Variants in FCRL1 observed in about 807,000 individuals in gnomAD.
FCRL1 encodes the protein Fc receptor-like protein 1.
Under a neutral mutation model 49.2 loss-of-function variants are expected in FCRL1, and 34 were observed. That is an observed-to-expected ratio of 0.69 (90% CI 0.53 to 0.92). The LOEUF is 0.92. Among genes scored for constraint, FCRL1 ranks in the 40% least tolerant of loss-of-function variants. The probability of loss-of-function intolerance (pLI) is 0.00; values close to 1 mark genes in which losing one functional copy is unlikely to be tolerated. For missense variants in FCRL1, 524 were observed against 524.1 expected, an observed-to-expected ratio of 1.00 and a Z score of 0.00; for synonymous variants, 218 against 201.6, an observed-to-expected ratio of 1.08 and a Z score of -0.69.
At chr1:157,800,422 G>A (rs1172464300) in intron 6 of FCRL1, among the ~76,000 whole-genome samples, 1 of 152,180 alleles carries the variant, frequency 6.6e-6, no homozygotes, top group East Asian at 1.9e-4. Context: ...AGTCCTTGGA[G>A]GCAGATGCTG....
In FCRL1 at chr1:157,801,927, G is replaced by C; in HGVS notation, c.874C>G (p.Leu292Val). 6.2e-7 allele frequency: 1 copy of C among 1,613,308 alleles called. No individual in the cohort carries two copies. Among genetic ancestry groups the C allele is most frequent in the Non-Finnish European group, 8.5e-7 (1 of 1,179,580 alleles). ...GCCTGAGCTATACCTGTGAAGTTGA[G>C]TGTCACCGCCTCACTGCGCTGGGCC... The part of the protein sequence containing the change: ...LGAQRSEAVT[L>V]NFTVPTGARS... Residue 292 changes from leucine (L) to valine (V), a missense_variant, in exon 5 of 11, where the codon CTC (leucine) becomes GTC (valine). Physicochemically the swap from Leu to Val is conservative, Grantham distance 32 (BLOSUM62 1). Coordinates refer to ENST00000368176, the MANE Select transcript of FCRL1 (RefSeq NM_052938.5).
At chr1:157,808,398 AG>A (rs1248912720) in intron 1 of FCRL1, among the ~76,000 whole-genome samples, 1 of 152,266 alleles carries the variant, frequency 6.6e-6, no homozygotes, top group African/African-American at 2.4e-5. Context: ...AAATGAAATC[AG>A]GAAACAAGCC....
intron 2 of FCRL1, among the ~76,000 whole-genome samples, chr1:157,805,002 G>A (rs1433394452): frequency 6.6e-6 from 1 of 152,004 alleles, no homozygotes; most frequent in Non-Finnish European, 1.5e-5. Flanking sequence ...TGGGACTACA[G>A]GCACATGCCA....
At chr1:157,805,144 C>A (rs1461596468) in intron 2 of FCRL1, among the ~76,000 whole-genome samples, 1 of 152,054 alleles carries the variant, frequency 6.6e-6, no homozygotes, top group Non-Finnish European at 1.5e-5. Flanking sequence ...CAGGTGTGAG[C>A]CACCACTCCC....
intron 1 of FCRL1, among the ~76,000 whole-genome samples, chr1:157,815,424 C>A (rs1217973780): frequency 6.6e-6 from 1 of 151,762 alleles, no homozygotes; most frequent in Non-Finnish European, 1.5e-5. Context: ...GGAACCACAA[C>A]ATACAAAAAT....
rs374173172 is a variant in FCRL1 at position 157,802,361 on chromosome 1, G to A, written c.607+16C>T. On this transcript the variant is annotated intron_variant, in intron 4 of 10. Transcript: ENST00000368176. ...GTTTGTGACTGGCTGGCTGAACGAAGGGTAGTGGAACTTACTTCTGACAGT... is the reference window on the plus strand; with the variant it reads ...GTTTGTGACTGGCTGGCTGAACGAAAGGTAGTGGAACTTACTTCTGACAGT... The A allele has an allele frequency of 1.2e-6, 2 of 1,611,286 alleles. No homozygotes were observed. Among genetic ancestry groups the A allele is most frequent in the Non-Finnish European group, 1.7e-6 (2 of 1,178,060 alleles).
rs1386847737 is a variant in FCRL1, at chr1:157,802,461, C to T, written c.523G>A (p.Glu175Lys). The T allele has an allele frequency of 4.3e-6, 7 of 1,614,094 alleles. No homozygotes were observed. The highest frequency in any genetic ancestry group is 1.3e-5 in the African/African-American group (1 of 74,932). ...CAGTAATATTGCTCAGCATCACTCT[C>T]CCTCACTGAAGGAATCTCATACTCT... ...TAEYEIPSVR[E>K]SDAEQYYCVA... is the part of the protein sequence containing the mutation. The change falls in exon 4 of 11, where the codon GAG (glutamate) becomes AAG (lysine). Residue 175 changes from glutamate (E) to lysine (K), a missense_variant. Physicochemically the swap from Glu to Lys is moderately conservative, Grantham distance 56. Transcript: ENST00000368176.
Position 157,800,042 on chromosome 1 carries a change from T to G in FCRL1, c.1031+16A>C, listed in dbSNP as rs1161226384. ...TTTTCTGCATTATTGACACCTATAG[T>G]GAAAACAGGCCTCACCTGAGTGGAT... On this transcript the variant is annotated intron_variant, in intron 7 of 10. Transcript: ENST00000368176. The G allele has an allele frequency of 1.9e-6, 3 of 1,610,872 alleles. No individual in the cohort carries two copies. In the Admixed American group the frequency reaches 5.0e-5, roughly 27 times the overall value.
chr1:157,808,962 G>A (rs963925294), intron 1 of FCRL1, among the ~76,000 whole-genome samples: 2 of 152,232 alleles, frequency 1.3e-5, no homozygotes, highest in Non-Finnish European at 2.9e-5. Context: ...AGTTGTGGGG[G>A]AAAATAGGTT....
At chr1:157,809,392 T>A (rs4971155) in intron 1 of FCRL1, among the ~76,000 whole-genome samples, 62,248 of 151,578 alleles carry the variant, frequency 0.41, 15,137 homozygotes, top group East Asian at 0.54. Flanking sequence ...TTAATTAATT[T>A]AAAAAAAAAC....
intron 2 of FCRL1, among the ~76,000 whole-genome samples, chr1:157,804,441 T>G (rs1484938746): frequency 1.3e-5 from 2 of 152,226 alleles, no homozygotes; most frequent in African/African-American, 4.8e-5. Context: ...TACTGAAGAC[T>G]GTTACTGGAG....
chr1:157,804,476 G>T (rs557292052), intron 2 of FCRL1, among the ~76,000 whole-genome samples: 38 of 152,282 alleles, frequency 2.5e-4, no homozygotes, highest in South Asian at 1.2e-3. Flanking sequence ...GATGAAGCTT[G>T]AAGTTTTATT....
chr1:157,796,339 A>G (rs1651472258), intron 10 of FCRL1, among the ~76,000 whole-genome samples, 169 bp from the exon 11 acceptor site: 1 of 152,210 alleles, frequency 6.6e-6, no homozygotes, highest in South Asian at 2.1e-4. Flanking sequence ...GAGTGCCTGT[A>G]TCCCACTGGT....
At chr1:157,804,530 ATCT>A (rs1248731579) in intron 2 of FCRL1, among the ~76,000 whole-genome samples, 1 of 152,174 alleles carries the variant, frequency 6.6e-6, no homozygotes, top group African/African-American at 2.4e-5. Flanking sequence ...TATGTTCATT[ATCT>A]TCTTCTGTTC....
At chr1:157,796,896 T>C (rs778996220) in intron 10 of FCRL1, among the ~76,000 whole-genome samples, 26 of 152,196 alleles carry the variant, frequency 1.7e-4, no homozygotes, top group Non-Finnish European at 3.4e-4. Flanking sequence ...CTAAAGTAAA[T>C]GTATTTGTAA....
chr1:157,799,394 T>C (rs553746376), intron 7 of FCRL1, among the ~76,000 whole-genome samples: 135 of 152,298 alleles, frequency 8.9e-4, no homozygotes, highest in Middle Eastern at 6.8e-3. Context: ...TTCCATTTGT[T>C]TGTATCCTCT....
At chr1:157,816,450 A>G (rs1655030401) in intron 1 of FCRL1, among the ~76,000 whole-genome samples, 1 of 151,974 alleles carries the variant, frequency 6.6e-6, no homozygotes, top group Admixed American at 6.6e-5. Flanking sequence ...CCTCAACATA[A>G]TAAAGGTCAT....
At chr1:157,801,182 C>G (rs547148665) in intron 6 of FCRL1, among the ~76,000 whole-genome samples, 1 of 152,128 alleles carries the variant, frequency 6.6e-6, no homozygotes, top group Non-Finnish European at 1.5e-5. Flanking sequence ...GAGCCACCGC[C>G]CCCGGCCAAA....
At chr1:157,801,793 A>C in intron 5 of FCRL1, 122 bp downstream of exon 5, 1 of 1,175,894 alleles carries the variant, frequency 8.5e-7, no homozygotes, top group Non-Finnish European at 1.2e-6. Flanking sequence ...TCATGACAGC[A>C]CCTCACACAG....
Sources: gnomAD v4.1 joint callset for allele counts (sites outside exome capture counted in the v4.1 genomes callset) on GRCh38, gnomAD v4.1.1 for gene constraint, MANE v1.5 for transcripts, NCBI Gene and HGNC (gene_info 2026-07-23, HGNC 2026-07-21) for gene names.